LOXL2: variants seen among roughly 807,000 people sequenced by gnomAD.
The protein encoded by LOXL2 is lysyl oxidase like 2, also known as lysyl oxidase homolog 2.
In LOXL2, 70 loss-of-function variants were observed where a neutral mutation model predicts 93.0. The ratio of observed to expected loss-of-function variants is 0.75; its 90% confidence interval spans 0.62 to 0.92. LOXL2 has a LOEUF of 0.92. LOXL2 is among the 40% of genes least tolerant of loss of function. The pLI is 0.00. For synonymous variants in LOXL2, 438 were observed against 413.2 expected, an observed-to-expected ratio of 1.06 and a Z score of -0.73; for missense variants, 973 against 1,054.9, an observed-to-expected ratio of 0.92 and a Z score of 1.08.
At chr8:23,351,057 C>T (rs1259352193) in intron 3 of LOXL2, among the ~76,000 whole-genome samples, 1 of 152,202 alleles carries the variant, frequency 6.6e-6, no homozygotes, top group East Asian at 1.9e-4. Context: ...GAGACTGTTT[C>T]TCCACTGCTG....
At chr8:23,304,153 C>T (rs528796546) in intron 10 of LOXL2, among the ~76,000 whole-genome samples, 1 of 152,340 alleles carries the variant, frequency 6.6e-6, no homozygotes, top group South Asian at 2.1e-4. Context: ...GAGGCACGTC[C>T]CCGGGGGTTC....
chr8:23,300,496 G>T (rs926386409), intron 12 of LOXL2, among the ~76,000 whole-genome samples: 1 of 152,206 alleles, frequency 6.6e-6, no homozygotes, highest in African/African-American at 2.4e-5. Flanking sequence ...CACCACTGAT[G>T]TCTGAAGTGA....
At chr8:23,342,463 G>A (rs1221783498) in intron 3 of LOXL2, among the ~76,000 whole-genome samples, 2 of 144,836 alleles carry the variant, frequency 1.4e-5, no homozygotes, top group African/African-American at 2.6e-5. Flanking sequence ...ACGGAGTCTC[G>A]CTCTGTCGCC....
At chr8:23,323,384 C>T (rs1021681921) in intron 6 of LOXL2, among the ~76,000 whole-genome samples, 1 of 152,222 alleles carries the variant, frequency 6.6e-6, no homozygotes, top group African/African-American at 2.4e-5. Flanking sequence ...CGCTCTCCTC[C>T]CTCTAGGGAA....
intron 12 of LOXL2, 124 bp from the exon 13 acceptor site, chr8:23,299,071 G>C: frequency 1.6e-6 from 1 of 625,632 alleles, no homozygotes; most frequent in East Asian, 2.8e-5. Context: ...GACCCAAGAC[G>C]GGGGTCTGTG....
chr8:23,402,429 C>T (rs571541269), intron 1 of LOXL2, among the ~76,000 whole-genome samples: 1 of 152,332 alleles, frequency 6.6e-6, no homozygotes, highest in South Asian at 2.1e-4. Flanking sequence ...CTCTGGTGGC[C>T]ATTCCAGGGC....
intron 3 of LOXL2, among the ~76,000 whole-genome samples, chr8:23,348,084 G>A (rs577991910): frequency 1.3e-3 from 193 of 152,216 alleles, no homozygotes; most frequent in African/African-American, 4.5e-3. Context: ...CCGTAAAAAA[G>A]GATGAGTTCA....
chr8:23,333,482 T>G lies in LOXL2; in HGVS notation c.885A>C (p.Leu295=), dbSNP rs2294127. ...CAGGCACACAACTCACCACGGCCGG[T>G]AGCCCATTCTCGCAGGTGACATTCT... ...PMKNVTCENG[L]PAVVSCVPGQ... is the part of the protein sequence containing the mutation. The change falls in exon 5 of 14, where the codon CTA becomes CTC. Residue 295 remains leucine, a synonymous_variant. Transcript: ENST00000389131. 1.2e-6 allele frequency: 2 copies of G among 1,613,804 alleles called. No individual in the cohort carries two copies. Among genetic ancestry groups the G allele is most frequent in the African/African-American group, 1.3e-5 (1 of 74,916 alleles).
At chr8:23,329,692 T>C (rs922683056) in intron 5 of LOXL2, among the ~76,000 whole-genome samples, 1 of 152,228 alleles carries the variant, frequency 6.6e-6, no homozygotes, top group African/African-American at 2.4e-5. Context: ...CCATTCTAGG[T>C]GTGTCATATC....
At chr8:23,366,523 T>G (rs1409883599) in intron 2 of LOXL2, among the ~76,000 whole-genome samples, 1 of 152,264 alleles carries the variant, frequency 6.6e-6, no homozygotes, top group Non-Finnish European at 1.5e-5. Flanking sequence ...CCTGTCACTT[T>G]GCAGACTTCC....
chr8:23,360,048 A>C (rs1804262528), intron 3 of LOXL2, 42 bp downstream of exon 3: 1 of 1,566,580 alleles, frequency 6.4e-7, no homozygotes, highest in African/African-American at 1.3e-5. Context: ...TGGAAGAGGA[A>C]AAATGTTTGC....
At chr8:23,368,834 A>G (rs544970761) in intron 1 of LOXL2, among the ~76,000 whole-genome samples, 39 of 138,982 alleles carry the variant, frequency 2.8e-4, no homozygotes, top group African/African-American at 9.2e-4. Flanking sequence ...AGAACTGGAG[A>G]CTGGCAGAGG....
chr8:23,323,792 C>G (rs1249082275), intron 6 of LOXL2, among the ~76,000 whole-genome samples: 2 of 152,130 alleles, frequency 1.3e-5, no homozygotes, highest in East Asian at 3.9e-4. Flanking sequence ...ACCTCCACCT[C>G]CCAGGTTCAA....
intron 1 of LOXL2, among the ~76,000 whole-genome samples, chr8:23,375,877 C>T (rs200643870): frequency 1.3e-5 from 2 of 152,254 alleles, no homozygotes; most frequent in East Asian, 3.9e-4. Flanking sequence ...AATCATGTCA[C>T]CTGCAAACAG....
chr8:23,366,105 T>C lies in LOXL2; in HGVS notation c.355+1892A>G, dbSNP rs187894140. The C allele has an allele frequency of 4.1e-4, 62 of 152,306 alleles. 1 individual carries two copies. The highest frequency in any genetic ancestry group is 4.1e-3 in the Admixed American group (62 of 15,294). 9.4% of individuals were successfully genotyped at this position (152,306 alleles called of 1,614,324 possible). ...TTTTAAATTGAGGTTGAAATAAAAT[T>C]AAGTTGTCACTGGAAAAATACCCAG... On this transcript the variant is annotated intron_variant, in intron 2 of 13. Transcript: ENST00000389131.
chr8:23,298,879 G>A lies in LOXL2; in HGVS notation c.2202C>T (p.Ser734=), dbSNP rs762824984. The A allele has an allele frequency of 2.5e-6, 4 of 1,613,982 alleles. No homozygotes were observed. In the South Asian group the frequency reaches 4.4e-5, roughly 18 times the overall value. Reference sequence around the variant, plus strand: ...TCCAGATGCGGTGGCCGTCATAGCGGCTCCTGCATTTCATGATGTTGTTGG... The same window carrying A: ...TCCAGATGCGGTGGCCGTCATAGCGACTCCTGCATTTCATGATGTTGTTGG... ...DYSNNIMKCR[S]RYDGHRIWMY... The change falls in exon 13 of 14, where the codon AGC becomes AGT. Residue 734 remains serine, a synonymous_variant. Transcript: ENST00000389131.
intron 3 of LOXL2, among the ~76,000 whole-genome samples, chr8:23,347,178 C>A (rs1301386660): frequency 1.9e-5 from 1 of 51,850 alleles, no homozygotes; most frequent in Non-Finnish European, 3.2e-5. Context: ...AACACACACA[C>A]ACACACACAC....
chr8:23,395,979 T>C (rs2117240273), intron 1 of LOXL2, among the ~76,000 whole-genome samples: 1 of 152,218 alleles, frequency 6.6e-6, no homozygotes, highest in Middle Eastern at 3.4e-3. Context: ...TGGCCTTATT[T>C]CTAAATACAC....
intron 12 of LOXL2, among the ~76,000 whole-genome samples, chr8:23,300,051 C>T (rs1294835770): frequency 2.6e-5 from 4 of 152,362 alleles, no homozygotes; most frequent in South Asian, 4.1e-4. Flanking sequence ...GCTGCCCCCT[C>T]GTTCCTGGCC....
Sources: gnomAD v4.1 joint callset for allele counts (sites outside exome capture counted in the v4.1 genomes callset) on GRCh38, gnomAD v4.1.1 for gene constraint, MANE v1.5 for transcripts, NCBI Gene and HGNC (gene_info 2026-07-23, HGNC 2026-07-21) for gene names.